Variants in SERPINB5 observed in about 807,000 individuals in gnomAD.
SERPINB5 encodes serpin family B member 5.
SERPINB5 carries 27 observed loss-of-function variants against 32.2 expected under a neutral mutation model. That is an observed-to-expected ratio of 0.84 (90% CI 0.62 to 1.16). The LOEUF is 1.16. SERPINB5 is among the 50% of genes most tolerant of loss of function. The probability of loss-of-function intolerance (pLI) is 0.00; values close to 1 mark genes in which losing one functional copy is unlikely to be tolerated. For synonymous variants in SERPINB5, 154 were observed against 157.4 expected, an observed-to-expected ratio of 0.98 and a Z score of 0.16; for missense variants, 388 against 436.3, an observed-to-expected ratio of 0.89 and a Z score of 0.99.
chr18:63,477,299 A>C (rs1046944554), intron 1 of SERPINB5: 6 of 152,202 alleles, frequency 3.9e-5, no homozygotes, highest in African/African-American at 7.2e-5. Context: ...CAAGGTAAGA[A>C]TATGAAGAAG....
At chr18:63,493,585 G>T (rs982488714) in intron 5 of SERPINB5, 2 of 183,962 alleles carry the variant, frequency 1.1e-5, no homozygotes, top group Non-Finnish European at 2.2e-5. Context: ...ATGGCTGGGC[G>T]TGGTGGCTCA....
At chr18:63,491,277 C>A (rs1326653520) in intron 4 of SERPINB5, among the ~76,000 whole-genome samples, 1 of 151,618 alleles carries the variant, frequency 6.6e-6, no homozygotes, top group East Asian at 2.0e-4. Context: ...TGTCACGCAC[C>A]TGTAGTCCCA....
At chr18:63,488,774 T>C (rs1376893829) in intron 3 of SERPINB5, among the ~76,000 whole-genome samples, 1 of 152,182 alleles carries the variant, frequency 6.6e-6, no homozygotes, top group Non-Finnish European at 1.5e-5. Context: ...TGTTCTCTCC[T>C]GCATTGTGTT....
intron 5 of SERPINB5, chr18:63,497,018 T>C (rs1191711631): frequency 3.7e-6 from 2 of 543,574 alleles, no homozygotes; most frequent in Non-Finnish European, 7.2e-6. Flanking sequence ...TACTTATTTC[T>C]CCAGCTCTGA....
At position 63,498,767 on chromosome 18, in the gene SERPINB5, A is replaced by G. The variant is rs1412938969; in HGVS notation, c.568-353A>G. Among the ~76,000 whole-genome samples the G allele has an allele frequency of 1.3e-5, 2 of 151,334 alleles. No homozygotes were observed. Among genetic ancestry groups the G allele is most frequent in the Non-Finnish European group, 2.9e-5 (2 of 67,900 alleles). ...AATTTGTGTATATATATATATGTACATATATATTTATGTGTTTGCCTATAT... is the reference window on the plus strand; with the variant it reads ...AATTTGTGTATATATATATATGTACGTATATATTTATGTGTTTGCCTATAT... On this transcript the variant is annotated intron_variant, in intron 5 of 6. Transcript: ENST00000382771. This position sits in a 1 kb window ranked among gnomAD's most constrained non-coding sequence, Gnocchi z 4.2.
At chr18:63,486,216 G>A (rs1484783986) in intron 2 of SERPINB5, among the ~76,000 whole-genome samples, 2 of 152,240 alleles carry the variant, frequency 1.3e-5, no homozygotes, top group African/African-American at 4.8e-5. Flanking sequence ...AGGCTCTGAA[G>A]AGTTGGAGAA....
rs757860967 is a variant in SERPINB5 at position 63,486,964 on chromosome 18, G to A, written c.187G>A (p.Val63Ile). 4 of 1,614,050 alleles carry A rather than the reference G, an allele frequency of 2.5e-6. No homozygotes were observed. Among genetic ancestry groups the A allele is most frequent in the Non-Finnish European group, 3.4e-6 (4 of 1,179,970 alleles). The change falls in exon 3 of 7, where the codon GTC (valine) becomes ATC (isoleucine). Residue 63 changes from valine to isoleucine, a missense_variant. Transcript: ENST00000382771. ...TTAACAGGTTCTTCATTTTGAAAATGTCAAAGATGTACCCTTTGGATTTCA... is the reference window on the plus strand; with the variant it reads ...TTAACAGGTTCTTCATTTTGAAAATATCAAAGATGTACCCTTTGGATTTCA... ...EIGQVLHFEN[V>I]KDVPFGFQTV... is the part of the protein sequence containing the mutation.
intron 5 of SERPINB5, chr18:63,497,499 G>GAAAAAAAAAAAAAAAAAAAAAAAAA (rs60323388): frequency 5.5e-5 from 12 of 217,026 alleles, no homozygotes; most frequent in African/African-American, 3.0e-4. Flanking sequence ...CAACGTTTCT[G>GAAAAAAAAAAAAAAAAAAAAAAAAA]AAAAAAAAAA....
Position 63,499,278 on chromosome 18 carries a change from C to T in SERPINB5, c.726C>T (p.Gly242=). Residue 242 remains glycine, a synonymous_variant, in exon 6 of 7, where the codon GGC becomes GGT. Coordinates refer to ENST00000382771, the MANE Select transcript of SERPINB5 (RefSeq NM_002639.5). ...LPKDVEDEST[G]LEKIEKQLNS... ...AGGATGTGGAGGATGAGTCCACAGG[C>T]TTGGAGAAGGTAAGGAGAAGGCAGG... is the stretch of plus-strand genomic sequence containing the variant. 3.8e-6 allele frequency: 6 copies of T among 1,567,568 alleles called. No homozygotes were observed. The highest frequency in any genetic ancestry group is 5.2e-6 in the Non-Finnish European group (6 of 1,155,796).
rs573498757 is a variant in SERPINB5 at position 63,489,988 on chromosome 18, C to T, written c.424+524C>T. Reference sequence around the variant, plus strand: ...CGGGCGGATCACGAGGTCAGGAGATCGAGACCATCCTGGCTAACACGGTGA... The same window carrying T: ...CGGGCGGATCACGAGGTCAGGAGATTGAGACCATCCTGGCTAACACGGTGA... On this transcript the variant is annotated intron_variant, in intron 4 of 6. Coordinates refer to ENST00000382771, the MANE Select transcript of SERPINB5 (RefSeq NM_002639.5). Among the ~76,000 whole-genome samples the T allele has an allele frequency of 2.6e-5, 4 of 152,238 alleles. No individual in the cohort carries two copies. In the South Asian group the frequency reaches 6.2e-4, roughly 24 times the overall value.
chr18:63,501,667 A>G (rs1427492649), intron 6 of SERPINB5, among the ~76,000 whole-genome samples: 2 of 152,210 alleles, frequency 1.3e-5, no homozygotes, highest in African/African-American at 2.4e-5. Context: ...CCAACAGTGT[A>G]AAAGTGTTCC....
intron 1 of SERPINB5, among the ~76,000 whole-genome samples, chr18:63,480,985 G>A (rs752588902): frequency 5.3e-5 from 8 of 152,170 alleles, no homozygotes; most frequent in Non-Finnish European, 8.8e-5. Context: ...ATCTCTTTGC[G>A]TTCATGCACT....
chr18:63,480,623 G>A (rs1026128309), intron 1 of SERPINB5, among the ~76,000 whole-genome samples: 1 of 152,152 alleles, frequency 6.6e-6, no homozygotes, highest in Non-Finnish European at 1.5e-5. Context: ...ACATTGCTGA[G>A]GTTTGTTTAA....
At chr18:63,488,263 G>T (rs1337215587) in intron 3 of SERPINB5, among the ~76,000 whole-genome samples, 3 of 152,210 alleles carry the variant, frequency 2.0e-5, no homozygotes, top group African/African-American at 7.2e-5. Flanking sequence ...GGCTAAGGCT[G>T]AAGCTGCTCT....
chr18:63,481,907 G>C (rs533329746), intron 1 of SERPINB5, among the ~76,000 whole-genome samples: 1 of 152,180 alleles, frequency 6.6e-6, no homozygotes, highest in African/African-American at 2.4e-5. Flanking sequence ...AAGGAGTAAG[G>C]TTGTGGGCTT....
At chr18:63,496,132 TGTC>T (rs34804743) in intron 5 of SERPINB5, among the ~76,000 whole-genome samples, 82,395 of 151,644 alleles carry the variant, frequency 0.54, 22,920 homozygotes, top group Non-Finnish European at 0.62. Context: ...TCAGAAGATA[TGTC>T]GTCTCAACAT....
At chr18:63,490,374 C>T (rs1177561249) in intron 4 of SERPINB5, among the ~76,000 whole-genome samples, 1 of 152,132 alleles carries the variant, frequency 6.6e-6, no homozygotes, top group Admixed American at 6.5e-5. Flanking sequence ...TTAAAATTGC[C>T]GGTGAGTCGT....
At position 63,504,360 on chromosome 18, in the gene SERPINB5, A is replaced by T. The variant is rs960931339; in HGVS notation, c.*638A>T. ...TCAGATCTGGGGCAGCACCCTATAA[A>T]TCAACACCTTAATATGCTGCAACAA... On this transcript the variant is annotated 3_prime_UTR_variant, in exon 7 of 7. Transcript: ENST00000382771. 2 of 152,270 alleles carry T rather than the reference A, an allele frequency of 1.3e-5. No individual in the cohort carries two copies. Among genetic ancestry groups the T allele is most frequent in the Middle Eastern group, 3.2e-3 (1 of 316 alleles). 9.4% of individuals were successfully genotyped at this position (152,270 alleles called of 1,614,324 possible). A position where few individuals can be genotyped will look rare whatever the true frequency, so the allele number is the denominator to read the frequency against.
At chr18:63,489,561 G>A (rs1213688929) in intron 4 of SERPINB5, 97 bp downstream of exon 4, 3 of 708,916 alleles carry the variant, frequency 4.2e-6, no homozygotes, top group East Asian at 5.4e-5. Flanking sequence ...ACATCTGGAG[G>A]ATTCTCTGGA....
Sources: gnomAD v4.1 joint callset for allele counts (sites outside exome capture counted in the v4.1 genomes callset) on GRCh38, gnomAD v4.1.1 for gene constraint, Gnocchi (gnomAD v3.1) non-coding constraint, MANE v1.5 for transcripts, NCBI Gene and HGNC (gene_info 2026-07-23, HGNC 2026-07-21) for gene names.